GGT5: variants seen among roughly 807,000 people sequenced by gnomAD.
GGT5 encodes the protein glutathione hydrolase 5 proenzyme.
GGT5 carries 50 observed loss-of-function variants against 58.1 expected under a neutral mutation model. That is an observed-to-expected ratio of 0.86 (90% CI 0.69 to 1.09). The LOEUF is 1.09. Ranked by LOEUF, GGT5 falls within the 50% of genes least tolerant of loss-of-function variation. The probability of loss-of-function intolerance (pLI) is 0.00; values close to 1 mark genes in which losing one functional copy is unlikely to be tolerated. For synonymous variants in GGT5, 370 were observed against 346.1 expected (o/e 1.07, Z -0.77); for missense variants, 800 against 789.4 (o/e 1.01, Z -0.16).
chr22:24,234,103 G>A (rs548010363), intron 1 of GGT5, 99 bp from the exon 2 acceptor site: 50 of 1,206,772 alleles, frequency 4.1e-5, no homozygotes, highest in Middle Eastern at 2.8e-4. Context: ...TGACGGAGGC[G>A]GCACGTCGGC....
chr22:24,234,059 C>G (rs1441959773), intron 1 of GGT5, 55 bp from the exon 2 acceptor site: 4 of 1,534,560 alleles, frequency 2.6e-6, no homozygotes, highest in Non-Finnish European at 3.5e-6. Flanking sequence ...GCCTCCCCAC[C>G]AGGCTTGCTC....
chr22:24,223,535 A>T (rs1305706045), intron 11 of GGT5, among the ~76,000 whole-genome samples: 1 of 152,134 alleles, frequency 6.6e-6, no homozygotes, highest in African/African-American at 2.4e-5. Flanking sequence ...AGGACCCTAC[A>T]TGCGGAGGGA....
chr22:24,223,030 C>G (rs943648196), intron 11 of GGT5, among the ~76,000 whole-genome samples: 1 of 151,394 alleles, frequency 6.6e-6, no homozygotes, highest in Non-Finnish European at 1.5e-5. Context: ...GCAGAGCTTG[C>G]AGTGAGCCAA....
chr22:24,244,222 C>G (rs556054164), intron 1 of GGT5: 39 of 305,322 alleles, frequency 1.3e-4, no homozygotes, highest in Admixed American at 6.7e-4. Context: ...CTGAGGCTGC[C>G]TCCTTGCGCC....
At chr22:24,230,853 T>C (rs141885798) in intron 6 of GGT5, among the ~76,000 whole-genome samples, 52 of 152,334 alleles carry the variant, frequency 3.4e-4, no homozygotes, top group Admixed American at 5.2e-4. Flanking sequence ...TGCAGCCCTG[T>C]GGACACCTAG....
intron 7 of GGT5, 108 bp downstream of exon 7, chr22:24,226,523 A>C: frequency 8.1e-7 from 1 of 1,241,654 alleles, no homozygotes; most frequent in South Asian, 1.3e-5. Context: ...CTAGAACCAC[A>C]TACATATCCC....
intron 4 of GGT5, among the ~76,000 whole-genome samples, chr22:24,232,473 G>A (rs926036916): frequency 6.6e-6 from 1 of 152,158 alleles, no homozygotes; most frequent in East Asian, 1.9e-4. Context: ...TCTCACTCCT[G>A]GGAGGGCCTG....
chr22:24,226,586 A>C (rs2047772445), intron 7 of GGT5, 45 bp downstream of exon 7: 2 of 1,604,282 alleles, frequency 1.2e-6, no homozygotes, highest in African/African-American at 2.7e-5. Flanking sequence ...GTCCTGAGCC[A>C]GGGAGGAGGA....
intron 3 of GGT5, 112 bp from the exon 4 acceptor site, chr22:24,233,130 C>G: frequency 1.2e-6 from 1 of 816,330 alleles, no homozygotes; most frequent in Middle Eastern, 3.8e-4. Flanking sequence ...CTTTCTGGAG[C>G]CCACACCCGA....
chr22:24,223,278 T>C (rs929283800), intron 11 of GGT5, among the ~76,000 whole-genome samples: 4 of 151,932 alleles, frequency 2.6e-5, no homozygotes, highest in African/African-American at 7.3e-5. Context: ...GGCGCACATG[T>C]GTAGTCCCAG....
At chr22:24,238,906 T>TATTA (rs1491433421) in intron 1 of GGT5, among the ~76,000 whole-genome samples, 7 of 14,790 alleles carry the variant, frequency 4.7e-4, no homozygotes, top group African/African-American at 1.4e-3. Flanking sequence ...TATATATATA[T>TATTA]TATATATATT....
At chr22:24,224,670 C>T (rs1166583423) in intron 11 of GGT5, among the ~76,000 whole-genome samples, 1 of 152,186 alleles carries the variant, frequency 6.6e-6, no homozygotes, top group African/African-American at 2.4e-5. Flanking sequence ...GAAAAAGTCA[C>T]CATGAGGGAG....
intron 6 of GGT5, 151 bp downstream of exon 6, chr22:24,231,233 C>T (rs1287541562): frequency 1.3e-5 from 8 of 614,026 alleles, no homozygotes; most frequent in Non-Finnish European, 2.3e-5. Flanking sequence ...GTTTCCACAG[C>T]TCTGTCTTCA....
rs1334484800 is a variant in GGT5 at position 24,238,895 on chromosome 22, ATATATATATAT to A, written c.174-4902_174-4892del. ...ATATAATATATATTATATATTTTATATATATATATATTATATATATTATATATATAATATAT... is the reference window on the plus strand; with the variant it reads ...ATATAATATATATTATATATTTTATATATATATATTATATATATAATATAT... On this transcript the variant is annotated intron_variant, in intron 1 of 11. Coordinates refer to ENST00000327365, the MANE Select transcript of GGT5 (RefSeq NM_004121.5). Among the ~76,000 whole-genome samples, 32 of 12,174 alleles carry A rather than the reference ATATATATATAT, an allele frequency of 2.6e-3. 1 individual carries two copies. The highest frequency in any genetic ancestry group is 0.017 in the South Asian group (8 of 468). 8.0% of individuals were successfully genotyped at this position (12,174 alleles called of 152,430 possible).
rs1006560724 is a variant in GGT5 at position 24,225,711 on chromosome 22, C to T, written c.1230-59G>A. On this transcript the variant is annotated intron_variant, in intron 8 of 11. Coordinates refer to ENST00000327365, the MANE Select transcript of GGT5 (RefSeq NM_004121.5). ...GACCCGGGGCTCCCACCAGACACCA[C>T]TTACCCTGCACGCTTTGCAGGACCC... 7 of 1,006,822 alleles carry T rather than the reference C, an allele frequency of 7.0e-6. No homozygotes were observed. The Admixed American group carries it at 9.5e-5, about 14-fold the overall frequency. The allele number at this position is 1,006,822 out of a possible 1,614,324, so 62.4% of individuals were successfully genotyped here. A position where few individuals can be genotyped will look rare whatever the true frequency, so the allele number is the denominator to read the frequency against.
Position 24,219,757 on chromosome 22 carries a change from G to A in GGT5, c.*213C>T, listed in dbSNP as rs758450008. On this transcript the variant is annotated 3_prime_UTR_variant, in exon 12 of 12. Transcript: ENST00000327365. ...AGGCCTGCGGAGGGATAGAGGGGCC[G>A]GTTCAGGACCACCAGGGGCTCTGGG... The A allele has an allele frequency of 3.4e-4, 194 of 570,454 alleles. No individual in the cohort carries two copies. Among genetic ancestry groups the A allele is most frequent in the Non-Finnish European group, 4.6e-4 (146 of 319,924 alleles). The allele number at this position is 570,454 out of a possible 1,614,324, so 35.3% of individuals were successfully genotyped here.
Position 24,226,065 on chromosome 22 carries a change from G to A in GGT5, c.1229+11C>T. ...AGTGAAGCCATCCGCCTTCCCCCAG[G>A]CCCTACGCACGGTGTGTTGATGGTG... On this transcript the variant is annotated intron_variant, in intron 8 of 11. Coordinates refer to ENST00000327365, the MANE Select transcript of GGT5 (RefSeq NM_004121.5). The A allele has an allele frequency of 6.4e-7, 1 of 1,556,008 alleles. No homozygotes were observed. Among genetic ancestry groups the A allele is most frequent in the Non-Finnish European group, 8.7e-7 (1 of 1,145,792 alleles).
chr22:24,240,879 C>T (rs541626944), intron 1 of GGT5, among the ~76,000 whole-genome samples: 4 of 152,210 alleles, frequency 2.6e-5, no homozygotes, highest in East Asian at 1.9e-4. Flanking sequence ...TACTAGGAGA[C>T]GGGTGCAGTA....
At chr22:24,240,731 G>A (rs1468816757) in intron 1 of GGT5, among the ~76,000 whole-genome samples, 2 of 152,022 alleles carry the variant, frequency 1.3e-5, no homozygotes, top group Non-Finnish European at 1.5e-5. Context: ...GGGCTTCAGC[G>A]ACCCACTCAC....
Sources: allele counts gnomAD v4.1 joint callset (sites outside exome capture counted in the v4.1 genomes callset), GRCh38; gene constraint gnomAD v4.1.1; transcripts MANE v1.5; gene names NCBI Gene and HGNC (gene_info 2026-07-23, HGNC 2026-07-21).